ARHGAP39: variants seen among roughly 807,000 people sequenced by gnomAD.
ARHGAP39 encodes the protein rho GTPase-activating protein 39.
Under a neutral mutation model 106.9 loss-of-function variants are expected in ARHGAP39, and 44 were observed. The ratio of observed to expected loss-of-function variants is 0.41; its 90% CI spans 0.32 to 0.53. The LOEUF is 0.53. Ranked by LOEUF, ARHGAP39 falls within the 20% of genes least tolerant of loss-of-function variation. The probability of loss-of-function intolerance (pLI) is 0.21; values close to 1 mark genes in which losing one functional copy is unlikely to be tolerated. For synonymous variants in ARHGAP39, 768 were observed against 693.2 expected (o/e 1.11, Z -1.69); for missense variants, 1,496 against 1,577.3 (o/e 0.95, Z 0.87).
rs376245183 is a variant in ARHGAP39 at position 144,555,588 on chromosome 8, T to A, written c.568A>T (p.Ser190Cys). Reference protein sequence around the residue: ...EKDYEIYRDYSADGQLLHYRT... With the variant: ...EKDYEIYRDYCADGQLLHYRT... ...TAGTGAAGAAGCTGGCCGTCCGCAC[T>A]GTAATCCCGGTAAATCTCATAGTCC... Residue 190 changes from serine (S) to cysteine (C), a missense_variant, in exon 4 of 12, where the codon AGT (serine) becomes TGT (cysteine). By Grantham distance (112) the Ser-to-Cys change is moderately radical. Transcript: ENST00000377307. 6.2e-7 allele frequency: 1 copy of A among 1,614,050 alleles called. No individual in the cohort carries two copies. The highest frequency in any genetic ancestry group is 1.1e-5 in the South Asian group (1 of 91,086).
intron 2 of ARHGAP39, among the ~76,000 whole-genome samples, chr8:144,599,882 G>T (rs1329104827): frequency 6.6e-6 from 1 of 152,168 alleles, no homozygotes; most frequent in Non-Finnish European, 1.5e-5. Flanking sequence ...AATTTTAGAT[G>T]AATTATCAGA....
intron 9 of ARHGAP39, among the ~76,000 whole-genome samples, chr8:144,532,769 G>A (rs1312103371): frequency 6.6e-6 from 1 of 152,196 alleles, no homozygotes; most frequent in East Asian, 1.9e-4. Context: ...ATGGGAGTGG[G>A]TGGCACCCTG....
At chr8:144,693,210 A>ACCCGCTGCCACCCC in the ARHGAP39 span, among the ~76,000 whole-genome samples, 1 of 138,984 alleles carries the variant, frequency 7.2e-6, no homozygotes, top group African/African-American at 2.7e-5. Flanking sequence ...GATTACAGGC[A>ACCCGCTGCCACCCC]TGTGCCACCA....
intron 3 of ARHGAP39, among the ~76,000 whole-genome samples, chr8:144,565,757 C>T (rs549083499): frequency 6.6e-6 from 1 of 151,978 alleles, no homozygotes; most frequent in Non-Finnish European, 1.5e-5. Flanking sequence ...CTTCAAGTGA[C>T]CTGACACATA....
chr8:144,632,823 A>C (rs986016170), intron 1 of ARHGAP39, among the ~76,000 whole-genome samples: 9 of 152,262 alleles, frequency 5.9e-5, no homozygotes, highest in African/African-American at 2.2e-4. Context: ...GCTGTCAAAG[A>C]GAAAATACTC....
intron 6 of ARHGAP39, 52 bp downstream of exon 6, chr8:144,545,197 C>T (rs753806020): frequency 7.7e-6 from 11 of 1,421,444 alleles, no homozygotes; most frequent in Non-Finnish European, 1.0e-5. Flanking sequence ...CAGCAGGAGC[C>T]CTCTCCACTG....
intron 1 of ARHGAP39, among the ~76,000 whole-genome samples, chr8:144,681,557 T>C (rs1822419076): frequency 6.6e-6 from 1 of 152,220 alleles, no homozygotes; most frequent in Non-Finnish European, 1.5e-5. Flanking sequence ...TGGACTTTTT[T>C]TCAACAGCAC....
intron 6 of ARHGAP39, 96 bp downstream of exon 6, chr8:144,545,153 G>T: frequency 8.3e-7 from 1 of 1,198,208 alleles, no homozygotes; most frequent in Non-Finnish European, 1.1e-6. Flanking sequence ...CTGTGTGGAG[G>T]GCCGCCAGGG....
chr8:144,668,755 T>C (rs925161012), intron 1 of ARHGAP39, among the ~76,000 whole-genome samples: 2 of 152,190 alleles, frequency 1.3e-5, no homozygotes, highest in Non-Finnish European at 2.9e-5. Flanking sequence ...CAGAATTTAA[T>C]AGATCCTTAT....
At chr8:144,677,147 C>A (rs1033814829) in intron 1 of ARHGAP39, among the ~76,000 whole-genome samples, 6 of 152,232 alleles carry the variant, frequency 3.9e-5, no homozygotes, top group African/African-American at 1.4e-4. Flanking sequence ...TATTCCATTG[C>A]AGGAATGGAC....
rs904040661 is a variant in ARHGAP39 at position 144,682,683 on chromosome 8, C to T, written c.-82+3003G>A. Among the ~76,000 whole-genome samples the T allele has an allele frequency of 5.1e-4, 77 of 152,164 alleles. 1 individual carries two copies. The highest frequency in any genetic ancestry group is 7.4e-4 in the Non-Finnish European group (50 of 68,014). The stretch of plus-strand genomic sequence containing the variant: ...CTTAACGTTTATTTTAATAAATCAC[C>T]GTTTCTGTTGCAAGGATAATACTGA... On this transcript the variant is annotated intron_variant, in intron 1 of 11. Transcript: ENST00000377307.
At chr8:144,554,780 C>T (rs764031661) in intron 4 of ARHGAP39, among the ~76,000 whole-genome samples, 3 of 152,222 alleles carry the variant, frequency 2.0e-5, no homozygotes, top group Non-Finnish European at 4.4e-5. Context: ...GGCTCTAATT[C>T]CCTGCCACAA....
intron 3 of ARHGAP39, among the ~76,000 whole-genome samples, chr8:144,567,707 A>G (rs1243232334): frequency 1.3e-5 from 2 of 152,180 alleles, no homozygotes; most frequent in South Asian, 2.1e-4. Flanking sequence ...GAAAGTACTA[A>G]AAGTCTCTGA....
At chr8:144,620,245 T>C (rs532936434) in intron 1 of ARHGAP39, among the ~76,000 whole-genome samples, 74 of 120,794 alleles carry the variant, frequency 6.1e-4, no homozygotes, top group African/African-American at 2.2e-3. Flanking sequence ...CCGTGTCTGT[T>C]AGCCTGTGTG....
chr8:144,630,147 G>A (rs1821025643), intron 1 of ARHGAP39, among the ~76,000 whole-genome samples: 1 of 152,148 alleles, frequency 6.6e-6, no homozygotes, highest in Non-Finnish European at 1.5e-5. Flanking sequence ...CGGCAGGCCT[G>A]GTCAACAGCA....
rs532830748 is a variant in ARHGAP39, at chr8:144,613,175, T to G, written c.-81-7480A>C. On this transcript the variant is annotated intron_variant, in intron 1 of 11. Coordinates refer to ENST00000377307, the MANE Select transcript of ARHGAP39 (RefSeq NM_025251.3). Reference sequence around the variant, plus strand: ...CTCCTGGCCTTTTATTTTTGCCATTTTTGTCAAATATTTTATTTCTGTATA... The same window carrying G: ...CTCCTGGCCTTTTATTTTTGCCATTGTTGTCAAATATTTTATTTCTGTATA... 1.7e-4 allele frequency among the ~76,000 whole-genome samples: 26 copies of G among 152,382 alleles called. 1 individual carries two copies. In the South Asian group the frequency reaches 5.2e-3, roughly 30 times the overall value.
At chr8:144,668,429 G>A (rs1822017134) in intron 1 of ARHGAP39, among the ~76,000 whole-genome samples, 1 of 152,128 alleles carries the variant, frequency 6.6e-6, no homozygotes. Context: ...TGGTGACAGA[G>A]TGAGACTGTC....
intron 5 of ARHGAP39, among the ~76,000 whole-genome samples, chr8:144,546,087 G>A (rs1010649748): frequency 3.3e-5 from 5 of 152,188 alleles, no homozygotes; most frequent in African/African-American, 7.2e-5. Context: ...AGGGTGAGGC[G>A]GGAGGAAGGG....
chr8:144,653,152 TG>T (rs1428300651), intron 1 of ARHGAP39, among the ~76,000 whole-genome samples: 1 of 151,882 alleles, frequency 6.6e-6, no homozygotes, highest in Non-Finnish European at 1.5e-5. Context: ...ACAAAATAGC[TG>T]GGCGTGGTGG....
Sources: allele counts gnomAD v4.1 joint callset (sites outside exome capture counted in the v4.1 genomes callset), GRCh38; gene constraint gnomAD v4.1.1; transcripts MANE v1.5; gene names NCBI Gene and HGNC (gene_info 2026-07-23, HGNC 2026-07-21).